The following GALNT13 variants were observed in gnomAD, a reference collection of about 807,000 sequenced individuals.
The protein encoded by GALNT13 is polypeptide N-acetylgalactosaminyltransferase 13.
GALNT13 carries 28 observed loss-of-function variants against 64.2 expected under a neutral mutation model. The ratio of observed to expected loss-of-function variants is 0.44; its 90% CI spans 0.32 to 0.60. GALNT13 has a LOEUF of 0.60. GALNT13 is among the 20% of genes least tolerant of loss of function. The pLI is 0.05. For missense variants in GALNT13, 577 were observed against 669.8 expected (o/e 0.86, Z 1.53); for synonymous variants, 214 against 224.6 (o/e 0.95, Z 0.42).
At chr2:153,770,598 A>T in the GALNT13 span, among the ~76,000 whole-genome samples, 1 of 152,224 alleles carries the variant, frequency 6.6e-6, no homozygotes, top group Non-Finnish European at 1.5e-5. Context: ...TTCTCCCAGT[A>T]AACAAGGATC....
the GALNT13 span, among the ~76,000 whole-genome samples, chr2:153,319,974 T>C: frequency 6.6e-6 from 1 of 152,212 alleles, no homozygotes; most frequent in Admixed American, 6.5e-5. Flanking sequence ...AAAAAAAATG[T>C]GTGATTGAAC....
chr2:154,217,017 C>A (rs1688085093), intron 4 of GALNT13, among the ~76,000 whole-genome samples: 1 of 150,836 alleles, frequency 6.6e-6, no homozygotes, highest in Non-Finnish European at 1.5e-5. Flanking sequence ...TGTCTCAAAC[C>A]TTTGACTTCA....
chr2:153,193,912 T>C, the GALNT13 span, among the ~76,000 whole-genome samples: 8 of 152,216 alleles, frequency 5.3e-5, no homozygotes, highest in African/African-American at 1.7e-4. Context: ...GCTCTTTGAA[T>C]ATATTATGCC....
chr2:153,254,364 T>G, the GALNT13 span, among the ~76,000 whole-genome samples: 1 of 152,212 alleles, frequency 6.6e-6, no homozygotes, highest in South Asian at 2.1e-4. Flanking sequence ...TCTCTTTTTT[T>G]CTTTATTAGT....
the GALNT13 span, among the ~76,000 whole-genome samples, chr2:153,160,776 G>A: frequency 2.6e-5 from 4 of 152,172 alleles, no homozygotes; most frequent in Non-Finnish European, 5.9e-5. Flanking sequence ...AGATCCCCTT[G>A]CTAATATCAT....
intron 9 of GALNT13, among the ~76,000 whole-genome samples, chr2:154,347,723 T>G (rs558327771): frequency 6.6e-6 from 1 of 152,300 alleles, no homozygotes; most frequent in East Asian, 1.9e-4. Context: ...ACTAGCCACA[T>G]ATTGCTGTAG....
At chr2:154,408,348 T>A (rs1699646324) in intron 10 of GALNT13, among the ~76,000 whole-genome samples, 1 of 152,086 alleles carries the variant, frequency 6.6e-6, no homozygotes, top group Non-Finnish European at 1.5e-5. Flanking sequence ...AATTCAATCT[T>A]GCTTTTGAGG....
chr2:153,437,826 A>G, the GALNT13 span, among the ~76,000 whole-genome samples: 1 of 152,292 alleles, frequency 6.6e-6, no homozygotes, highest in African/African-American at 2.4e-5. Context: ...GCCCATTTAC[A>G]TTTAAGGTTA....
the GALNT13 span, among the ~76,000 whole-genome samples, chr2:153,494,328 AG>A: frequency 6.6e-6 from 1 of 152,098 alleles, no homozygotes; most frequent in Non-Finnish European, 1.5e-5. Flanking sequence ...AAAATGACCT[AG>A]AATACTGCGG....
At chr2:153,547,676 T>A in the GALNT13 span, among the ~76,000 whole-genome samples, 1 of 152,090 alleles carries the variant, frequency 6.6e-6, no homozygotes, top group Non-Finnish European at 1.5e-5. Flanking sequence ...ATGTAATGAG[T>A]TAAGTAAGTT....
chr2:153,285,467 G>A, the GALNT13 span, among the ~76,000 whole-genome samples: 1 of 152,110 alleles, frequency 6.6e-6, no homozygotes, highest in African/African-American at 2.4e-5. Flanking sequence ...GAAGGAAATT[G>A]CGAATGTTCA....
chr2:154,073,079 A>G (rs1700817211), intron 3 of GALNT13, among the ~76,000 whole-genome samples: 1 of 152,018 alleles, frequency 6.6e-6, no homozygotes, highest in African/African-American at 2.4e-5. Context: ...ACTGATTGAG[A>G]CAGGAAGTAG....
the GALNT13 span, among the ~76,000 whole-genome samples, chr2:153,760,120 A>G: frequency 1.3e-5 from 2 of 151,978 alleles, no homozygotes; most frequent in Non-Finnish European, 2.9e-5. Context: ...TAGCTATACT[A>G]TCAGTTGTAA....
At chr2:154,207,796 T>G (rs2105792793) in intron 4 of GALNT13, among the ~76,000 whole-genome samples, 1 of 152,264 alleles carries the variant, frequency 6.6e-6, no homozygotes, top group African/African-American at 2.4e-5. Flanking sequence ...GTCTAAACCT[T>G]TATCATTCAG....
the GALNT13 span, among the ~76,000 whole-genome samples, chr2:153,129,469 T>G: frequency 1.3e-5 from 2 of 152,084 alleles, no homozygotes; most frequent in East Asian, 3.9e-4. Flanking sequence ...AGGTAGAGAA[T>G]AACCGTTTAA....
intron 7 of GALNT13, among the ~76,000 whole-genome samples, chr2:154,249,243 G>A (rs980240366): frequency 6.6e-6 from 1 of 152,116 alleles, no homozygotes; most frequent in African/African-American, 2.4e-5. Context: ...TGTATTCCAT[G>A]CATACAAACT....
At chr2:154,020,161 T>C (rs368338747) in intron 3 of GALNT13, among the ~76,000 whole-genome samples, 17,276 of 152,078 alleles carry the variant, frequency 0.11, 1,619 homozygotes, top group African/African-American at 0.25. Context: ...AATAAACATA[T>C]GTGTGCATGT....
the GALNT13 span, among the ~76,000 whole-genome samples, chr2:153,701,209 A>G: frequency 2.0e-5 from 3 of 152,190 alleles, no homozygotes; most frequent in Non-Finnish European, 4.4e-5. Context: ...CAACCATCTG[A>G]TCTTCAACAA....
the GALNT13 span, among the ~76,000 whole-genome samples, chr2:153,307,247 C>T: frequency 6.6e-6 from 1 of 152,202 alleles, no homozygotes; most frequent in Middle Eastern, 3.4e-3. Context: ...TAAAGGTTAG[C>T]TCTGAAATTG....
Sources: gnomAD v4.1 joint callset for allele counts (sites outside exome capture counted in the v4.1 genomes callset) on GRCh38, gnomAD v4.1.1 for gene constraint, MANE v1.5 for transcripts, NCBI Gene and HGNC (gene_info 2026-07-23, HGNC 2026-07-21) for gene names.